Variants in RBM6 observed in about 807,000 individuals in gnomAD.
The protein encoded by RBM6 is RNA binding motif protein 6.
A neutral mutation model predicts 140.4 loss-of-function variants in RBM6; 23 were observed. The ratio of observed to expected loss-of-function variants is 0.16; its 90% CI spans 0.12 to 0.23. The LOEUF is 0.23. RBM6 is among the 10% of genes least tolerant of loss of function. The probability of loss-of-function intolerance (pLI) is 1.00; values close to 1 mark genes in which losing one functional copy is unlikely to be tolerated. For missense variants in RBM6, 1,139 were observed against 1,386.7 expected (o/e 0.82, Z 2.84); for synonymous variants, 439 against 475.6 (o/e 0.92, Z 1.00).
chr3:49,958,593 C>A (rs189606165), intron 1 of RBM6, among the ~76,000 whole-genome samples: 211 of 146,112 alleles, frequency 1.4e-3, no homozygotes, highest in African/African-American at 5.1e-3. Flanking sequence ...AAACAAAAAA[C>A]CACAAAAATT....
chr3:50,073,534 C>G (rs1575893678), intron 19 of RBM6, among the ~76,000 whole-genome samples: 1 of 152,188 alleles, frequency 6.6e-6, no homozygotes. Context: ...AATACTGTTG[C>G]ATTGGGGATT....
intron 6 of RBM6, among the ~76,000 whole-genome samples, chr3:50,022,519 A>G (rs1227909953): frequency 1.3e-5 from 2 of 151,930 alleles, no homozygotes; most frequent in Non-Finnish European, 2.9e-5. Context: ...TAGTAGAGAC[A>G]GGGTTTCTCC....
intron 1 of RBM6, among the ~76,000 whole-genome samples, chr3:49,945,412 G>A (rs2083444692): frequency 1.3e-5 from 2 of 151,816 alleles, no homozygotes; most frequent in Middle Eastern, 3.2e-3. Context: ...ATTTTTTGAG[G>A]AACTGCCTTA....
chr3:49,941,529 A>G (rs1450575340), intron 1 of RBM6, among the ~76,000 whole-genome samples: 1 of 150,778 alleles, frequency 6.6e-6, no homozygotes, highest in Non-Finnish European at 1.5e-5. Context: ...AATCCCAGCT[A>G]CTTGGGAGGC....
intron 8 of RBM6, 64 bp downstream of exon 8, chr3:50,054,459 C>A (rs1221701983): frequency 7.2e-7 from 1 of 1,389,032 alleles, no homozygotes; most frequent in Non-Finnish European, 1.0e-6. Context: ...TTCATGTTTT[C>A]CTTGGCTTTG....
At position 50,006,114 on chromosome 3, in the gene RBM6, G is replaced by A. The variant is rs550100185; in HGVS notation, c.1557+6601G>A. 4.7e-5 allele frequency among the ~76,000 whole-genome samples: 7 copies of A among 148,906 alleles called. No individual in the cohort carries two copies. In the East Asian group the frequency reaches 1.2e-3, roughly 25 times the overall value. ...CTCACTGGTTCGCCCAGGCTGTAGC[G>A]CAGGGGTGCGATTTATCCACTGATT... On this transcript the variant is annotated intron_variant, in intron 6 of 20. Coordinates refer to ENST00000266022, the MANE Select transcript of RBM6 (RefSeq NM_005777.3).
At chr3:50,024,937 G>C (rs1317237372) in intron 6 of RBM6, among the ~76,000 whole-genome samples, 1 of 151,790 alleles carries the variant, frequency 6.6e-6, no homozygotes, top group Non-Finnish European at 1.5e-5. Context: ...CTTGCAGTGA[G>C]CCGAGATTGC....
chr3:50,027,194 G>A (rs1435740188), intron 6 of RBM6, among the ~76,000 whole-genome samples: 1 of 152,102 alleles, frequency 6.6e-6, no homozygotes, highest in Admixed American at 6.6e-5. Flanking sequence ...TTAGAGGCTT[G>A]GGGTAGGAGG....
intron 7 of RBM6, among the ~76,000 whole-genome samples, chr3:50,052,310 C>G (rs1186788337): frequency 2.6e-5 from 4 of 152,340 alleles, no homozygotes; most frequent in Non-Finnish European, 5.9e-5. Context: ...AATGATCCAA[C>G]TTCCTCGGCC....
chr3:49,967,906 C>G lies in RBM6; in HGVS notation c.481C>G (p.His161Asp), dbSNP rs147790577. The G allele has an allele frequency of 6.2e-7, 1 of 1,613,746 alleles. No individual in the cohort carries two copies. The highest frequency in any genetic ancestry group is 2.2e-5 in the East Asian group (1 of 44,900). ...PHMNYRDRDA[H>D]AVDFRGRDAP... ...TATGAACTACAGAGACAGGGATGCT[C>G]ACGCTGTTGACTTCAGAGGTAGGGA... Residue 161 changes from histidine to aspartate, a missense_variant, in exon 3 of 21, where the codon CAC (histidine) becomes GAC (aspartate). Transcript: ENST00000266022. The surrounding 1 kb of genome is among the most constrained non-coding windows in gnomAD (Gnocchi z 4.0).
chr3:49,958,492 C>T (rs1254202214), intron 1 of RBM6, among the ~76,000 whole-genome samples: 4 of 152,170 alleles, frequency 2.6e-5, no homozygotes, highest in Non-Finnish European at 4.4e-5. Flanking sequence ...AGGAGAATGG[C>T]GTCAACCCAG....
intron 6 of RBM6, among the ~76,000 whole-genome samples, chr3:50,000,606 A>T (rs2108739862): frequency 6.6e-6 from 1 of 151,754 alleles, no homozygotes; most frequent in East Asian, 1.9e-4. Context: ...TTTAGTAGAG[A>T]TGGGGTTTCT....
At chr3:49,959,233 G>T (rs1346545856) in intron 1 of RBM6, among the ~76,000 whole-genome samples, 2 of 143,724 alleles carry the variant, frequency 1.4e-5, no homozygotes, top group Non-Finnish European at 3.0e-5. Context: ...CTGTCGCCCA[G>T]GCTGGAGTGC....
chr3:49,969,993 T>C (rs944010440), intron 3 of RBM6, among the ~76,000 whole-genome samples: 3 of 151,806 alleles, frequency 2.0e-5, no homozygotes, highest in Non-Finnish European at 4.4e-5. Flanking sequence ...TAGGCTGGAG[T>C]GCAGTGGCAC....
At chr3:49,947,271 G>T (rs1196040538) in intron 1 of RBM6, among the ~76,000 whole-genome samples, 8 of 111,252 alleles carry the variant, frequency 7.2e-5, no homozygotes, top group African/African-American at 1.2e-4. Context: ...AAGGGGGGGG[G>T]GGGGGGTTTT....
At chr3:49,976,567 G>GTA (rs2085072968) in intron 5 of RBM6, among the ~76,000 whole-genome samples, 1 of 151,998 alleles carries the variant, frequency 6.6e-6, no homozygotes, top group Non-Finnish European at 1.5e-5. Context: ...GCTTTCTTTG[G>GTA]GAACTCAAGG....
rs1291589040 is a variant in RBM6 at position 50,010,288 on chromosome 3, C to T, written c.1557+10775C>T. On this transcript the variant is annotated intron_variant, in intron 6 of 20. Transcript: ENST00000266022. Reference sequence around the variant, plus strand: ...AATCTGTGGTCAAGTGAAATTTGTGCTTAATCTTTGCAAATGCTATTTCCA... The same window carrying T: ...AATCTGTGGTCAAGTGAAATTTGTGTTTAATCTTTGCAAATGCTATTTCCA... Among the ~76,000 whole-genome samples, 15 of 152,062 alleles carry T rather than the reference C, an allele frequency of 9.9e-5. 1 individual carries two copies. Among genetic ancestry groups the T allele is most frequent in the Admixed American group, 9.8e-4 (15 of 15,252 alleles).
rs1163925350 is a variant in RBM6 at position 49,966,125 on chromosome 3, C to CA, written c.45-1336dup. On this transcript the variant is annotated intron_variant, in intron 2 of 20. Coordinates refer to ENST00000266022, the MANE Select transcript of RBM6 (RefSeq NM_005777.3). ...TGGGCAACAGAGCGAGACTCCGTCT[C>CA]AAAAAAAAAGAAAAAGAGAAAGAAA... Among the ~76,000 whole-genome samples, 152 of 150,538 alleles carry CA rather than the reference C, an allele frequency of 1.0e-3. 1 individual carries two copies. The highest frequency in any genetic ancestry group is 2.6e-3 in the Admixed American group (39 of 15,092).
At position 49,972,157 on chromosome 3, in the gene RBM6, T is replaced by C. The variant is rs922968885; in HGVS notation, c.1413+9T>C. On this transcript the variant is annotated intron_variant, in intron 4 of 20. Transcript: ENST00000266022. ...ATGCCACAAAAGAAGAGGTAAGGCA[T>C]GTCTTCTCTCCTGTTTCTCTGTGTC... The C allele has an allele frequency of 6.3e-7, 1 of 1,580,058 alleles. No homozygotes were observed. The highest frequency in any genetic ancestry group is 1.7e-4 in the Middle Eastern group (1 of 5,994).
Sources: gnomAD v4.1 joint callset for allele counts (sites outside exome capture counted in the v4.1 genomes callset) on GRCh38, gnomAD v4.1.1 for gene constraint, Gnocchi (gnomAD v3.1) non-coding constraint, MANE v1.5 for transcripts, NCBI Gene and HGNC (gene_info 2026-07-23, HGNC 2026-07-21) for gene names.